The following TENM4 variants were observed in gnomAD, a reference collection of about 807,000 sequenced individuals.
TENM4 encodes the protein teneurin transmembrane protein 4.
TENM4 carries 82 observed loss-of-function variants against 243.3 expected under a neutral mutation model. The ratio of observed to expected loss-of-function variants is 0.34; its 90% confidence interval spans 0.28 to 0.40. TENM4 has a LOEUF of 0.40. TENM4 is among the 10% of genes least tolerant of loss of function. The pLI is 1.00. For synonymous variants in TENM4, 1,412 were observed against 1,456.3 expected, an observed-to-expected ratio of 0.97 and a Z score of 0.69; for missense variants, 3,138 against 3,673.3, an observed-to-expected ratio of 0.85 and a Z score of 3.77.
intron 1 of TENM4, among the ~76,000 whole-genome samples, chr11:79,429,368 G>A (rs558800641): frequency 3.9e-5 from 6 of 152,170 alleles, no homozygotes; most frequent in South Asian, 4.1e-4. Context: ...ACTCGCCACC[G>A]GACTGTGCTG....
intron 4 of TENM4, among the ~76,000 whole-genome samples, chr11:79,119,090 T>C (rs1167281401): frequency 6.6e-6 from 1 of 152,166 alleles, no homozygotes; most frequent in East Asian, 1.9e-4. Flanking sequence ...TAGGAAGTGG[T>C]AGTCAGACAT....
chr11:79,099,764 T>C (rs1280931404), intron 4 of TENM4, among the ~76,000 whole-genome samples: 1 of 152,234 alleles, frequency 6.6e-6, no homozygotes, highest in South Asian at 2.1e-4. Context: ...ATAGCCATGA[T>C]TGCTTCTAGA....
intron 6 of TENM4, among the ~76,000 whole-genome samples, chr11:78,934,855 G>C (rs1035066538): frequency 6.7e-6 from 1 of 148,290 alleles, no homozygotes. Context: ...CATACTATAT[G>C]CAAGTTTTTT....
chr11:78,716,559 C>T (rs529029646), intron 25 of TENM4, among the ~76,000 whole-genome samples: 3 of 152,292 alleles, frequency 2.0e-5, no homozygotes, highest in South Asian at 2.1e-4. Flanking sequence ...ACATAGGAAA[C>T]GCTCACTGCT....
chr11:78,761,012 A>G (rs1856418631), intron 18 of TENM4, among the ~76,000 whole-genome samples: 2 of 151,970 alleles, frequency 1.3e-5, no homozygotes, highest in Admixed American at 1.3e-4. Context: ...TGGTTTTTAT[A>G]TATCGTTTTC....
intron 6 of TENM4, among the ~76,000 whole-genome samples, chr11:79,039,456 G>A (rs149604137): frequency 0.018 from 2,759 of 152,344 alleles, 40 homozygotes; most frequent in Middle Eastern, 0.031. Flanking sequence ...CTGTGGGCAA[G>A]AAGATACCTT....
rs565483546 is a variant in TENM4 at position 78,803,230 on chromosome 11, A to G, written c.2179+2062T>C. 2.4e-3 allele frequency among the ~76,000 whole-genome samples: 370 copies of G among 152,196 alleles called. 4 individuals carry two copies. Among genetic ancestry groups the G allele is most frequent in the Admixed American group, 4.4e-3 (67 of 15,278 alleles). Reference sequence around the variant, plus strand: ...GTTTTAGTGGAGACGGGGTTTCACCATCTTGGCCAGGCTGGTCTTGAACTC... The same window carrying G: ...GTTTTAGTGGAGACGGGGTTTCACCGTCTTGGCCAGGCTGGTCTTGAACTC... On this transcript the variant is annotated intron_variant, in intron 15 of 33. Coordinates refer to ENST00000278550, the MANE Select transcript of TENM4 (RefSeq NM_001098816.3).
At chr11:78,728,522 C>T (rs1354806971) in intron 22 of TENM4, among the ~76,000 whole-genome samples, 1 of 148,200 alleles carries the variant, frequency 6.7e-6, no homozygotes, top group Non-Finnish European at 1.5e-5. Flanking sequence ...CTTCCCTCTT[C>T]CCGCCTCCTT....
At chr11:79,182,721 CAAT>C (rs1281352699) in intron 3 of TENM4, among the ~76,000 whole-genome samples, 2 of 152,006 alleles carry the variant, frequency 1.3e-5, no homozygotes, top group Non-Finnish European at 2.9e-5. Flanking sequence ...TAAAGTTCAA[CAAT>C]AAGAAAACAA....
intron 2 of TENM4, among the ~76,000 whole-genome samples, chr11:79,217,722 G>C (rs1864079784): frequency 6.6e-6 from 1 of 151,822 alleles, no homozygotes; most frequent in Non-Finnish European, 1.5e-5. Flanking sequence ...CTTCAGGGTA[G>C]AATTTTTTTT....
intron 14 of TENM4, among the ~76,000 whole-genome samples, chr11:78,810,346 A>G (rs1348227048): frequency 1.3e-5 from 2 of 152,208 alleles, no homozygotes; most frequent in African/African-American, 4.8e-5. Flanking sequence ...TCTTATAAAT[A>G]ACACTGCAGC....
chr11:78,723,971 A>ACTTTCTTTCTTTACTTTTTCTTT (rs886322833), intron 23 of TENM4, among the ~76,000 whole-genome samples: 1 of 151,826 alleles, frequency 6.6e-6, no homozygotes, highest in Non-Finnish European at 1.5e-5. Flanking sequence ...TTAATTAACT[A>ACTTTCTTTCTTTACTTTTTCTTT]CTTTCTTTCT....
At chr11:78,985,970 C>G (rs1857908810) in intron 6 of TENM4, among the ~76,000 whole-genome samples, 1 of 152,178 alleles carries the variant, frequency 6.6e-6, no homozygotes, top group Non-Finnish European at 1.5e-5. Context: ...CTAATGGAGC[C>G]TTTTCTTCCT....
intron 1 of TENM4, among the ~76,000 whole-genome samples, chr11:79,420,331 C>T (rs1407690801): frequency 1.3e-5 from 2 of 152,142 alleles, no homozygotes; most frequent in Non-Finnish European, 2.9e-5. Flanking sequence ...TTGCAGCCTC[C>T]CAAGAGGGAA....
At chr11:78,909,224 A>C (rs1473782753) in intron 6 of TENM4, among the ~76,000 whole-genome samples, 1 of 152,204 alleles carries the variant, frequency 6.6e-6, no homozygotes, top group Non-Finnish European at 1.5e-5. Flanking sequence ...ATACTACACA[A>C]ACTGGTGATG....
At chr11:78,871,777 G>A (rs1409571612) in intron 9 of TENM4, among the ~76,000 whole-genome samples, 1 of 152,148 alleles carries the variant, frequency 6.6e-6, no homozygotes, top group East Asian at 1.9e-4. Flanking sequence ...AGGCCATCAA[G>A]CAGCCCTCCC....
chr11:78,905,105 A>T (rs1388282012), intron 6 of TENM4, among the ~76,000 whole-genome samples: 1 of 152,224 alleles, frequency 6.6e-6, no homozygotes, highest in African/African-American at 2.4e-5. Flanking sequence ...TGTGAGATCA[A>T]ATGAGGCAAT....
intron 1 of TENM4, among the ~76,000 whole-genome samples, chr11:79,318,644 A>G (rs1246687095): frequency 2.0e-5 from 3 of 152,208 alleles, no homozygotes; most frequent in Non-Finnish European, 1.5e-5. Flanking sequence ...CACAGGTAAA[A>G]TAGACATCAG....
At chr11:78,811,343 T>C (rs1158513137) in intron 14 of TENM4, among the ~76,000 whole-genome samples, 1 of 152,220 alleles carries the variant, frequency 6.6e-6, no homozygotes, top group Non-Finnish European at 1.5e-5. Flanking sequence ...AATTCTGCCA[T>C]TAGTCAGTTC....
Sources: gnomAD v4.1 joint callset for allele counts (sites outside exome capture counted in the v4.1 genomes callset) on GRCh38, gnomAD v4.1.1 for gene constraint, MANE v1.5 for transcripts, NCBI Gene and HGNC (gene_info 2026-07-23, HGNC 2026-07-21) for gene names.